Variants in NPFFR1 observed in about 807,000 individuals in gnomAD.
NPFFR1 encodes G-protein coupled receptor 147.
Under a neutral mutation model 12.7 loss-of-function variants are expected in NPFFR1, and 17 were observed. That is an observed-to-expected ratio of 1.34 (90% CI 0.92 to 2.01). The LOEUF (loss-of-function observed/expected upper bound fraction) is 2.01. Among genes scored for constraint, NPFFR1 ranks in the 30% most tolerant of loss-of-function variants. The probability of loss-of-function intolerance (pLI) is 0.00; values close to 1 mark genes in which losing one functional copy is unlikely to be tolerated. For synonymous variants in NPFFR1, 296 were observed against 264.5 expected (o/e 1.12, Z -1.16); for missense variants, 604 against 606.5 (o/e 1.00, Z 0.04).
At chr10:70,283,128 C>CTT (rs113088368) in intron 1 of NPFFR1, among the ~76,000 whole-genome samples, 1,490 of 87,902 alleles carry the variant, frequency 0.017, 9 homozygotes, top group Middle Eastern at 0.032. Context: ...GGGACTCTCT[C>CTT]TTTTTGTGTG....
At chr10:70,259,011 A>T (rs1270790028) in intron 3 of NPFFR1, among the ~76,000 whole-genome samples, 1 of 152,150 alleles carries the variant, frequency 6.6e-6, no homozygotes, top group African/African-American at 2.4e-5. Context: ...TACTCAAGAA[A>T]GCTCCAGAGA....
Position 70,253,498 on chromosome 10 carries a change from C to T in NPFFR1, c.*1459G>A, listed in dbSNP as rs4431948. ...GTGAAATGACAATAACATTCAATCT[C>T]CTTCAACCTCATTACTATGGATTAA... On this transcript the variant is annotated 3_prime_UTR_variant, in exon 4 of 4. Coordinates refer to ENST00000277942, the MANE Select transcript of NPFFR1 (RefSeq NM_022146.5). The T allele has an allele frequency of 6.6e-6, 1 of 152,128 alleles. No homozygotes were observed. Among genetic ancestry groups the T allele is most frequent in the Non-Finnish European group, 1.5e-5 (1 of 68,040 alleles). 9.4% of individuals were successfully genotyped at this position (152,128 alleles called of 1,614,324 possible). A position where few individuals can be genotyped will look rare whatever the true frequency, so the allele number is the denominator to read the frequency against.
At chr10:70,264,470 A>G (rs1245906819) in intron 2 of NPFFR1, among the ~76,000 whole-genome samples, 2 of 152,210 alleles carry the variant, frequency 1.3e-5, no homozygotes, top group Non-Finnish European at 2.9e-5. Context: ...ATACAAATCA[A>G]AATAAATTGT....
rs141990333 is a variant in NPFFR1, at chr10:70,261,777, G to GTTTGTTTTGT, written c.323-1048_323-1039dup. ...ACAGGACCCAGACATCAGTTGTTTTGTTTGTTTTGTTTTGTTTTGTTTGAG... is the reference window on the plus strand; with the variant it reads ...ACAGGACCCAGACATCAGTTGTTTTGTTTGTTTTGTTTTGTTTTGTTTTGTTTTGTTTGAG... On this transcript the variant is annotated intron_variant, in intron 2 of 3. Transcript: ENST00000277942. 9.2e-3 allele frequency among the ~76,000 whole-genome samples: 1,398 copies of GTTTGTTTTGT among 152,160 alleles called. 24 individuals are homozygous for GTTTGTTTTGT. The highest frequency in any genetic ancestry group is 0.032 in the African/African-American group (1,342 of 41,504).
At position 70,255,843 on chromosome 10, in the gene NPFFR1, A is replaced by C. The variant is rs74784061; in HGVS notation, c.423-16T>G. ...GCAGCGGAACCTGCCGCGGGGAGAG[A>C]GACAGGCGGGATCTGGGTGGGTCCT... is the stretch of plus-strand genomic sequence containing the variant. On this transcript the variant is annotated splice_polypyrimidine_tract_variant and intron_variant, in intron 3 of 3. Transcript: ENST00000277942. The surrounding 1 kb of genome is among the most constrained non-coding windows in gnomAD (Gnocchi z 4.2). 3,107 of 1,596,892 alleles carry C rather than the reference A, an allele frequency of 1.9e-3. 44 individuals carry two copies. In the African/African-American group the frequency reaches 0.031, roughly 16 times the overall value.
At chr10:70,262,153 G>A (rs1438983611) in intron 2 of NPFFR1, among the ~76,000 whole-genome samples, 1 of 152,162 alleles carries the variant, frequency 6.6e-6, no homozygotes, top group African/African-American at 2.4e-5. Context: ...ATGCCTCTCT[G>A]AGTATATCTT....
chr10:70,265,075 C>T (rs1292866709), intron 2 of NPFFR1, among the ~76,000 whole-genome samples: 2 of 152,204 alleles, frequency 1.3e-5, no homozygotes, highest in Admixed American at 6.5e-5. Context: ...TGGGACTCAG[C>T]AGTGGGTAAC....
At chr10:70,267,602 G>A (rs915781504) in intron 1 of NPFFR1, among the ~76,000 whole-genome samples, 6 of 152,314 alleles carry the variant, frequency 3.9e-5, no homozygotes, top group Admixed American at 1.3e-4. Context: ...GGCTTGCTTC[G>A]AAGGGAAGGC....
intron 1 of NPFFR1, among the ~76,000 whole-genome samples, chr10:70,272,211 G>GGAAA (rs1554833493): frequency 2.7e-4 from 15 of 55,866 alleles, no homozygotes; most frequent in African/African-American, 1.1e-3. Context: ...AAGAAAGAAA[G>GGAAA]GAAAGAAAGA....
intron 1 of NPFFR1, among the ~76,000 whole-genome samples, chr10:70,272,244 G>GAAAGATAGAAAGAAAGAAAGA (rs60571634): frequency 1.6e-5 from 1 of 64,406 alleles, no homozygotes; most frequent in African/African-American, 6.6e-5. Context: ...AAGAAAGAAA[G>GAAAGATAGAAAGAAAGAAAGA]AAGAAAGAAG....
rs1291286904 is a variant in NPFFR1 at position 70,248,652 on chromosome 10, A to G, written c.*6305T>C. ...AGGTGCCTGCCATCATGCTTGGCTA[A>G]TTTTTGTATTTTTAATAGAGATGGG... On this transcript the variant is annotated 3_prime_UTR_variant, in exon 4 of 4. Coordinates refer to ENST00000277942, the MANE Select transcript of NPFFR1 (RefSeq NM_022146.5). 1 of 151,104 alleles carries G rather than the reference A, an allele frequency of 6.6e-6. No individual in the cohort carries two copies. Among genetic ancestry groups the G allele is most frequent in the East Asian group, 1.9e-4 (1 of 5,140 alleles). The allele number at this position is 151,104 out of a possible 1,614,324, so 9.4% of individuals were successfully genotyped here.
chr10:70,264,825 T>C (rs1001763041), intron 2 of NPFFR1, among the ~76,000 whole-genome samples: 9 of 152,230 alleles, frequency 5.9e-5, no homozygotes, highest in African/African-American at 1.7e-4. Context: ...TTTTTGACTA[T>C]TGAATCATCT....
intron 3 of NPFFR1, among the ~76,000 whole-genome samples, chr10:70,256,937 G>A (rs1379855697): frequency 6.6e-6 from 1 of 152,176 alleles, no homozygotes; most frequent in Non-Finnish European, 1.5e-5. Flanking sequence ...CTAGAAAGTG[G>A]TTTTAGCATT....
At chr10:70,267,723 G>A (rs1271607458) in intron 1 of NPFFR1, among the ~76,000 whole-genome samples, 1 of 152,208 alleles carries the variant, frequency 6.6e-6, no homozygotes, top group East Asian at 1.9e-4. Flanking sequence ...AGTCCCTGTG[G>A]AATCTTTCTG....
chr10:70,255,343 G>A lies in NPFFR1; in HGVS notation c.907C>T (p.Leu303=). 6.4e-7 allele frequency: 1 copy of A among 1,568,924 alleles called. No homozygotes were observed. The highest frequency in any genetic ancestry group is 8.6e-7 in the Non-Finnish European group (1 of 1,161,616). ...IDYGQLSAPQ[L]HLVTVYAFPF... ...AAGGCGTAGACGGTGACCAGGTGCA[G>A]CTGCGGCGCGCTGAGCTGCCCGTAG... Residue 303 remains leucine, a synonymous_variant, in exon 4 of 4, where the codon CTG becomes TTG. Transcript: ENST00000277942. The surrounding 1 kb of genome is among the most constrained non-coding windows in gnomAD (Gnocchi z 4.2).
rs1840478907 is a variant in NPFFR1 at position 70,248,545 on chromosome 10, G to A, written c.*6412C>T. On this transcript the variant is annotated 3_prime_UTR_variant, in exon 4 of 4. Transcript: ENST00000277942. Reference sequence around the variant, plus strand: ...CTGTTGCCCAGGATAGAGTACAGTGGCGCTATCTTGGCTTACTGCAAACTC... The same window carrying A: ...CTGTTGCCCAGGATAGAGTACAGTGACGCTATCTTGGCTTACTGCAAACTC... 6 of 135,394 alleles carry A rather than the reference G, an allele frequency of 4.4e-5. No individual in the cohort carries two copies. In the Admixed American group the frequency reaches 4.9e-4, roughly 11 times the overall value. The allele number at this position is 135,394 out of a possible 1,614,324, so 8.4% of individuals were successfully genotyped here.
intron 1 of NPFFR1, among the ~76,000 whole-genome samples, chr10:70,274,934 T>C (rs1292722758): frequency 6.6e-6 from 1 of 152,208 alleles, no homozygotes; most frequent in African/African-American, 2.4e-5. Context: ...AAAGTGGATG[T>C]GGCAGAGGAT....
Position 70,256,458 on chromosome 10 carries a change from A to G in NPFFR1, c.423-631T>C, listed in dbSNP as rs374695996. ...CAGAGTGCGCAGTCTGTCCTCGACA[A>G]GGACGATTAGGTGCGTCAAATAACA... On this transcript the variant is annotated intron_variant, in intron 3 of 3. Transcript: ENST00000277942. Among the ~76,000 whole-genome samples the G allele has an allele frequency of 1.3e-4, 20 of 152,352 alleles. No homozygotes were observed. In the East Asian group the frequency reaches 2.7e-3, roughly 21 times the overall value.
chr10:70,249,969 G>A lies in NPFFR1; in HGVS notation c.*4988C>T, dbSNP rs1423906218. On this transcript the variant is annotated 3_prime_UTR_variant, in exon 4 of 4. Coordinates refer to ENST00000277942, the MANE Select transcript of NPFFR1 (RefSeq NM_022146.5). ...TCTGTCACCCAGGTTGGAGTGCAGTGGCGCAATTTTGGCTCACTGCATCCT... is the reference window on the plus strand; with the variant it reads ...TCTGTCACCCAGGTTGGAGTGCAGTAGCGCAATTTTGGCTCACTGCATCCT... 1.4e-5 allele frequency: 2 copies of A among 145,958 alleles called. No homozygotes were observed. Among genetic ancestry groups the A allele is most frequent in the Non-Finnish European group, 3.0e-5 (2 of 67,156 alleles). The allele number at this position is 145,958 out of a possible 1,614,324, so 9.0% of individuals were successfully genotyped here.
Sources: gnomAD v4.1 joint callset for allele counts (sites outside exome capture counted in the v4.1 genomes callset) on GRCh38, gnomAD v4.1.1 for gene constraint, Gnocchi (gnomAD v3.1) non-coding constraint, MANE v1.5 for transcripts, NCBI Gene and HGNC (gene_info 2026-07-23, HGNC 2026-07-21) for gene names.